The following PARD3B variants were observed in gnomAD, a reference collection of about 807,000 sequenced individuals.
PARD3B encodes the protein partitioning defective 3 homolog B.
A neutral mutation model predicts 130.2 loss-of-function variants in PARD3B; 103 were observed. The observed-to-expected ratio is 0.79, with a 90% CI of 0.67 to 0.93. PARD3B has a LOEUF of 0.93. Among genes scored for constraint, PARD3B ranks in the 40% least tolerant of loss-of-function variants. The pLI, the probability that PARD3B is intolerant of heterozygous loss-of-function variation, is 0.00. For missense variants in PARD3B, 1,609 were observed against 1,499.2 expected (o/e 1.07, Z -1.21); for synonymous variants, 583 against 553.2 (o/e 1.05, Z -0.76).
intron 18 of PARD3B, among the ~76,000 whole-genome samples, chr2:205,365,549 C>CTTTTTT (rs3048121): frequency 0.58 from 65,112 of 112,958 alleles, 21,824 homozygotes; most frequent in South Asian, 0.75. Flanking sequence ...CCCAACCTTC[C>CTTTTTT]TTTTTTTTTT....
At chr2:205,526,573 A>C (rs1387134387) in intron 21 of PARD3B, among the ~76,000 whole-genome samples, 1 of 152,148 alleles carries the variant, frequency 6.6e-6, no homozygotes, top group Non-Finnish European at 1.5e-5. Flanking sequence ...TGTTTATGGC[A>C]CTTACTGCCT....
At position 204,577,034 on chromosome 2, in the gene PARD3B, T is replaced by TG. The variant is rs538419335; in HGVS notation, c.120+30923dup. ...AAAACTTGAAAAAAATTATTTTTCT[T>TG]GGGGGGGGATGGGATAGTTGGGTTT... On this transcript the variant is annotated intron_variant, in intron 1 of 22. Coordinates refer to ENST00000406610, the MANE Select transcript of PARD3B (RefSeq NM_001302769.2). 1.3e-3 allele frequency among the ~76,000 whole-genome samples: 196 copies of TG among 151,994 alleles called. 1 individual carries two copies. The highest frequency in any genetic ancestry group is 2.5e-3 in the African/African-American group (103 of 41,476).
chr2:204,969,079 T>C (rs1030034105), intron 3 of PARD3B, among the ~76,000 whole-genome samples: 1 of 152,182 alleles, frequency 6.6e-6, no homozygotes, highest in African/African-American at 2.4e-5. Flanking sequence ...TACCATATAG[T>C]ACAGAGATTG....
intron 4 of PARD3B, among the ~76,000 whole-genome samples, chr2:205,061,683 A>G (rs910595837): frequency 2.6e-5 from 4 of 152,046 alleles, no homozygotes; most frequent in South Asian, 4.2e-4. Context: ...GCTTTAATTT[A>G]CAGAAGGCAC....
chr2:205,593,159 A>G (rs925587140), intron 22 of PARD3B, among the ~76,000 whole-genome samples: 1 of 152,190 alleles, frequency 6.6e-6, no homozygotes, highest in Non-Finnish European at 1.5e-5. Flanking sequence ...TAAGCATTTG[A>G]TTTCTGAAAG....
chr2:204,686,399 C>A, intron 2 of PARD3B, 117 bp downstream of exon 2: 1 of 765,098 alleles, frequency 1.3e-6, no homozygotes, highest in Admixed American at 2.2e-5. Context: ...ACCATCTGTT[C>A]AGGTTTCACC....
chr2:205,332,681 C>G (rs1356288650), intron 18 of PARD3B, among the ~76,000 whole-genome samples: 1 of 152,178 alleles, frequency 6.6e-6, no homozygotes, highest in African/African-American at 2.4e-5. Context: ...GGCTTCCCCT[C>G]TTCTCTCCTT....
intron 20 of PARD3B, among the ~76,000 whole-genome samples, chr2:205,496,103 TAA>T (rs1409091230): frequency 2.0e-5 from 3 of 152,170 alleles, no homozygotes; most frequent in Non-Finnish European, 1.5e-5. Context: ...ATTTGCTATA[TAA>T]GTGTTCAATA....
Position 205,619,520 on chromosome 2 carries a change from G to T in PARD3B, c.*3707G>T, listed in dbSNP as rs1028934864. 3 of 152,124 alleles carry T rather than the reference G, an allele frequency of 2.0e-5. No individual in the cohort carries two copies. Among genetic ancestry groups the T allele is most frequent in the Non-Finnish European group, 4.4e-5 (3 of 68,038 alleles). The allele number at this position is 152,124 out of a possible 1,614,324, so 9.4% of individuals were successfully genotyped here. Reference sequence around the variant, plus strand: ...TAGTGCAATTAGGCAGGAGGGATTTGGACTCAGAAACAGCCACAGAAGTAT... The same window carrying T: ...TAGTGCAATTAGGCAGGAGGGATTTTGACTCAGAAACAGCCACAGAAGTAT... On this transcript the variant is annotated 3_prime_UTR_variant, in exon 23 of 23. Transcript: ENST00000406610.
At chr2:204,641,234 T>C (rs1468318890) in intron 1 of PARD3B, among the ~76,000 whole-genome samples, 2 of 149,840 alleles carry the variant, frequency 1.3e-5, no homozygotes, top group Non-Finnish European at 3.0e-5. Context: ...ATATAATAAG[T>C]ATATATATAT....
chr2:205,484,669 T>C (rs564914226), intron 20 of PARD3B, among the ~76,000 whole-genome samples: 1 of 152,188 alleles, frequency 6.6e-6, no homozygotes, highest in African/African-American at 2.4e-5. Context: ...TCAGAAAGCA[T>C]AGTGTTGACG....
intron 2 of PARD3B, among the ~76,000 whole-genome samples, chr2:204,846,642 A>G (rs933233082): frequency 4.6e-5 from 7 of 150,576 alleles, no homozygotes; most frequent in African/African-American, 1.7e-4. Flanking sequence ...CTCTTTCCCC[A>G]GCTATGTGTG....
chr2:205,329,668 A>C lies in PARD3B; in HGVS notation c.2630+27967A>C, dbSNP rs144784860. Among the ~76,000 whole-genome samples, 110 of 152,298 alleles carry C rather than the reference A, an allele frequency of 7.2e-4. 1 individual carries two copies. The highest frequency in any genetic ancestry group is 2.3e-3 in the African/African-American group (94 of 41,552). ...AAGGGCCCTCCTCATTGGAGTTTGC[A>C]TCCTCAGAAGATTGAGGAAATATGT... is the stretch of plus-strand genomic sequence containing the variant. On this transcript the variant is annotated intron_variant, in intron 18 of 22. Coordinates refer to ENST00000406610, the MANE Select transcript of PARD3B (RefSeq NM_001302769.2).
intron 22 of PARD3B, among the ~76,000 whole-genome samples, chr2:205,586,945 C>A (rs2054217366): frequency 6.6e-6 from 1 of 152,172 alleles, no homozygotes; most frequent in South Asian, 2.1e-4. Context: ...TTGTCCATTT[C>A]AAATTTTTCG....
intron 1 of PARD3B, among the ~76,000 whole-genome samples, chr2:204,548,409 C>T (rs192095784): frequency 1.3e-5 from 2 of 152,102 alleles, no homozygotes; most frequent in East Asian, 3.9e-4. Flanking sequence ...TCCCAACAAC[C>T]TTAGGAGATA....
At chr2:205,494,273 G>T (rs1246314134) in intron 20 of PARD3B, among the ~76,000 whole-genome samples, 1 of 152,138 alleles carries the variant, frequency 6.6e-6, no homozygotes, top group Non-Finnish European at 1.5e-5. Flanking sequence ...TTACATAGAT[G>T]CCCACTTATA....
At chr2:204,808,289 G>A (rs2042846051) in intron 2 of PARD3B, among the ~76,000 whole-genome samples, 1 of 151,918 alleles carries the variant, frequency 6.6e-6, no homozygotes, top group African/African-American at 2.4e-5. Flanking sequence ...TTTCAGAGTT[G>A]TGTGTCCCTT....
Position 205,309,248 on chromosome 2 carries a change from G to T in PARD3B, c.2630+7547G>T, listed in dbSNP as rs2042292095. On this transcript the variant is annotated intron_variant, in intron 18 of 22. Transcript: ENST00000406610. The surrounding 1 kb of genome is among the most constrained non-coding windows in gnomAD (Gnocchi z 4.7). Reference sequence around the variant, plus strand: ...TAAATGGTGAACTTGGTTTACAGGTGATTGGATCAACTCTGTTCCTCCTAC... The same window carrying T: ...TAAATGGTGAACTTGGTTTACAGGTTATTGGATCAACTCTGTTCCTCCTAC... 2.0e-5 allele frequency among the ~76,000 whole-genome samples: 3 copies of T among 152,178 alleles called. No individual in the cohort carries two copies. The highest frequency in any genetic ancestry group is 7.2e-5 in the African/African-American group (3 of 41,452).
At position 205,572,664 on chromosome 2, in the gene PARD3B, G is replaced by A. The variant is rs1209566157; in HGVS notation, c.3260+19261G>A. ...GGAGGCTGAGGGAGGAGAATTGCTTGAACCCAGAAGGTGGAGGTTGCAGTG... is the reference window on the plus strand; with the variant it reads ...GGAGGCTGAGGGAGGAGAATTGCTTAAACCCAGAAGGTGGAGGTTGCAGTG... On this transcript the variant is annotated intron_variant, in intron 22 of 22. Coordinates refer to ENST00000406610, the MANE Select transcript of PARD3B (RefSeq NM_001302769.2). This position sits in a 1 kb window ranked among gnomAD's most constrained non-coding sequence, Gnocchi z 4.2. Among the ~76,000 whole-genome samples, 1 of 152,120 alleles carries A rather than the reference G, an allele frequency of 6.6e-6. No individual in the cohort carries two copies. The highest frequency in any genetic ancestry group is 6.6e-5 in the Admixed American group (1 of 15,264).
Sources: gnomAD v4.1 joint callset for allele counts (sites outside exome capture counted in the v4.1 genomes callset) on GRCh38, gnomAD v4.1.1 for gene constraint, Gnocchi (gnomAD v3.1) non-coding constraint, MANE v1.5 for transcripts, NCBI Gene and HGNC (gene_info 2026-07-23, HGNC 2026-07-21) for gene names.